The following AGAP1 variants were observed in gnomAD, a reference collection of about 807,000 sequenced individuals.
The protein encoded by AGAP1 is ArfGAP with GTPase domain, ankyrin repeat and PH domain 1.
A neutral mutation model predicts 105.3 loss-of-function variants in AGAP1; 29 were observed. The observed-to-expected ratio is 0.28, with a 90% CI of 0.21 to 0.38. The LOEUF (loss-of-function observed/expected upper bound fraction) is 0.38, where lower values mean the gene tolerates loss of function less well. Among genes scored for constraint, AGAP1 ranks in the 10% least tolerant of loss-of-function variants. The pLI is 1.00. For missense variants in AGAP1, 998 were observed against 1,165.1 expected, an observed-to-expected ratio of 0.86 and a Z score of 2.09; for synonymous variants, 509 against 485.9, an observed-to-expected ratio of 1.05 and a Z score of -0.63.
Position 236,036,443 on chromosome 2 carries a change from C to A in AGAP1, c.1646-118C>A. The A allele has an allele frequency of 7.4e-7, 1 of 1,342,596 alleles. No individual in the cohort carries two copies. Among genetic ancestry groups the A allele is most frequent in the Non-Finnish European group, 1.0e-6 (1 of 978,438 alleles). The allele number at this position is 1,342,596 out of a possible 1,614,324, so 83.2% of individuals were successfully genotyped here. A position where few individuals can be genotyped will look rare whatever the true frequency, so the allele number is the denominator to read the frequency against. On this transcript the variant is annotated intron_variant, in intron 13 of 17. Transcript: ENST00000304032. The surrounding 1 kb of genome is among the most constrained non-coding windows in gnomAD (Gnocchi z 5.7). The stretch of plus-strand genomic sequence containing the variant: ...GCCGCCGTGGTTGTCCAGTGCCGTG[C>A]GCCTCACCGGTCCATGCAGGGGCAG...
intron 1 of AGAP1, among the ~76,000 whole-genome samples, chr2:235,643,336 C>CAGGAGAATTGCTTGAA (rs1947260194): frequency 7.0e-6 from 1 of 142,262 alleles, no homozygotes; most frequent in Non-Finnish European, 1.5e-5. Flanking sequence ...GAGACTGAGG[C>CAGGAGAATTGCTTGAA]AGGAGAATTG....
At chr2:235,522,038 A>G (rs531501307) in intron 1 of AGAP1, among the ~76,000 whole-genome samples, 185 of 152,292 alleles carry the variant, frequency 1.2e-3, no homozygotes, top group Middle Eastern at 3.4e-3. Context: ...TTTTGAATAC[A>G]TCGGATGTAA....
At chr2:236,013,350 A>G (rs1034701080) in intron 13 of AGAP1, among the ~76,000 whole-genome samples, 1 of 152,190 alleles carries the variant, frequency 6.6e-6, no homozygotes, top group Non-Finnish European at 1.5e-5. Flanking sequence ...TTTTCTGGCC[A>G]CCAGAACTTG....
intron 11 of AGAP1, among the ~76,000 whole-genome samples, chr2:235,922,884 C>G (rs1575787595): frequency 6.6e-6 from 1 of 152,254 alleles, no homozygotes; most frequent in East Asian, 1.9e-4. Context: ...TTCAAATCAA[C>G]TCTTCCACTT....
intron 2 of AGAP1, 35 bp from the exon 3 acceptor site, chr2:235,717,522 T>C: frequency 6.5e-7 from 1 of 1,547,568 alleles, no homozygotes; most frequent in South Asian, 1.2e-5. Context: ...TAGAGTGATT[T>C]GATGATGCTT....
intron 13 of AGAP1, among the ~76,000 whole-genome samples, chr2:235,999,878 C>T (rs1207694577): frequency 6.6e-6 from 1 of 152,054 alleles, no homozygotes; most frequent in Non-Finnish European, 1.5e-5. Context: ...ATTCATTAAA[C>T]TTGTAAGTCA....
rs1575232619 is a variant in AGAP1, at chr2:235,724,117, G to A, written c.310+6473G>A. 6.6e-6 allele frequency among the ~76,000 whole-genome samples: 1 copy of A among 152,220 alleles called. No individual in the cohort carries two copies. The highest frequency in any genetic ancestry group is 6.5e-5 in the Admixed American group (1 of 15,286). On this transcript the variant is annotated intron_variant, in intron 3 of 17. Transcript: ENST00000304032. This position sits in a 1 kb window ranked among gnomAD's most constrained non-coding sequence, Gnocchi z 4.9. ...TCTTCATGAGCTTAATTCAGCAGGG[G>A]CTCCTTCCTTCAGTGATGGAATCTG...
chr2:235,798,325 C>T (rs1957336416), intron 7 of AGAP1, among the ~76,000 whole-genome samples: 1 of 152,192 alleles, frequency 6.6e-6, no homozygotes, highest in Non-Finnish European at 1.5e-5. Flanking sequence ...CTTTCCATAA[C>T]AACATTTTGC....
At chr2:235,762,073 C>T (rs1191315861) in intron 6 of AGAP1, among the ~76,000 whole-genome samples, 1 of 145,164 alleles carries the variant, frequency 6.9e-6, no homozygotes, top group Non-Finnish European at 1.5e-5. Context: ...TGTGCCGTTG[C>T]ATTCCAGCCT....
chr2:235,600,133 C>T lies in AGAP1; in HGVS notation c.163+105284C>T, dbSNP rs1208119089. ...GTAACTGTTATTTACTCAGTAATTACAGGTTCAAGTCCCTTGTCCAAAATC... is the reference window on the plus strand; with the variant it reads ...GTAACTGTTATTTACTCAGTAATTATAGGTTCAAGTCCCTTGTCCAAAATC... On this transcript the variant is annotated intron_variant, in intron 1 of 17. Transcript: ENST00000304032. This position sits in a 1 kb window ranked among gnomAD's most constrained non-coding sequence, Gnocchi z 4.8. Among the ~76,000 whole-genome samples the T allele has an allele frequency of 6.6e-5, 10 of 152,154 alleles. No individual in the cohort carries two copies. The highest frequency in any genetic ancestry group is 5.9e-4 in the Admixed American group (9 of 15,276).
chr2:235,797,044 A>T (rs959689349), intron 6 of AGAP1, among the ~76,000 whole-genome samples: 1 of 152,204 alleles, frequency 6.6e-6, no homozygotes, highest in Non-Finnish European at 1.5e-5. Flanking sequence ...ATATTTAAAT[A>T]AAAAAGGTCT....
At position 235,888,872 on chromosome 2, in the gene AGAP1, A is replaced by AG. The variant is rs1264807307; in HGVS notation, c.1155+5424dup. Among the ~76,000 whole-genome samples the AG allele has an allele frequency of 6.6e-5, 10 of 152,104 alleles. No individual in the cohort carries two copies. Among genetic ancestry groups the AG allele is most frequent in the Non-Finnish European group, 1.3e-4 (9 of 68,020 alleles). On this transcript the variant is annotated intron_variant, in intron 10 of 17. Transcript: ENST00000304032. This position sits in a 1 kb window ranked among gnomAD's most constrained non-coding sequence, Gnocchi z 4.8. Reference sequence around the variant, plus strand: ...TGGGAAAGACACCCCAGCAGTGGGGAGCTCTGGCTTTCAGTTCCTTTGCAC... The same window carrying AG: ...TGGGAAAGACACCCCAGCAGTGGGGAGGCTCTGGCTTTCAGTTCCTTTGCAC...
At position 235,741,698 on chromosome 2, in the gene AGAP1, ATTGTTATTATTATTATTGTTGTTG is replaced by A. The variant is rs1326364975; in HGVS notation, c.396+671_396+694del. On this transcript the variant is annotated intron_variant, in intron 4 of 17. Transcript: ENST00000304032. This position sits in a 1 kb window ranked among gnomAD's most constrained non-coding sequence, Gnocchi z 4.9. Reference sequence around the variant, plus strand: ...TTTACCAGTTAAGCACTTTATTATTATTGTTATTATTATTATTGTTGTTGTTGTTATTATTATTATTGTTATTTT... The same window carrying A: ...TTTACCAGTTAAGCACTTTATTATTATTGTTATTATTATTATTGTTATTTT... 1.2e-4 allele frequency among the ~76,000 whole-genome samples: 18 copies of A among 150,424 alleles called. No homozygotes were observed. The highest frequency in any genetic ancestry group is 4.2e-4 in the African/African-American group (17 of 40,756).
intron 13 of AGAP1, among the ~76,000 whole-genome samples, chr2:235,999,561 G>A (rs1343159338): frequency 6.6e-6 from 1 of 150,646 alleles, no homozygotes; most frequent in Non-Finnish European, 1.5e-5. Flanking sequence ...GATGTTGGTA[G>A]CATGATGACC....
Position 235,908,733 on chromosome 2 carries a change from A to C in AGAP1, c.1156-5A>C. The C allele has an allele frequency of 6.3e-7, 1 of 1,590,176 alleles. No homozygotes were observed. Among genetic ancestry groups the C allele is most frequent in the Non-Finnish European group, 8.6e-7 (1 of 1,168,564 alleles). On this transcript the variant is annotated splice_region_variant and splice_polypyrimidine_tract_variant and intron_variant, in intron 10 of 17. Transcript: ENST00000304032. The surrounding 1 kb of genome is among the most constrained non-coding windows in gnomAD (Gnocchi z 4.4). ...TCTCTCTTGGATGTTTAACATTTTC[A>C]ACAGGATTACATGCAGAATGTTCAT...
rs1407562414 is a variant in AGAP1 at position 236,125,016 on chromosome 2, CAAAAG to C, written c.*895_*899del. On this transcript the variant is annotated 3_prime_UTR_variant, in exon 18 of 18. Coordinates refer to ENST00000304032, the MANE Select transcript of AGAP1 (RefSeq NM_001037131.3). This position sits in a 1 kb window ranked among gnomAD's most constrained non-coding sequence, Gnocchi z 5.2. ...AATAAATAAGAATAACTCAGAAACTCAAAAGGAAACCACAAATTCAGCTAATAATA... is the reference window on the plus strand; with the variant it reads ...AATAAATAAGAATAACTCAGAAACTCGAAACCACAAATTCAGCTAATAATA... 1 of 166,726 alleles carries C rather than the reference CAAAAG, an allele frequency of 6.0e-6. No individual in the cohort carries two copies. The highest frequency in any genetic ancestry group is 2.4e-5 in the African/African-American group (1 of 41,436). The allele number at this position is 166,726 out of a possible 1,614,324, so 10.3% of individuals were successfully genotyped here.
At position 236,095,486 on chromosome 2, in the gene AGAP1, G is replaced by T. The variant is rs1221870927; in HGVS notation, c.2115-24706G>T. On this transcript the variant is annotated intron_variant, in intron 16 of 17. Transcript: ENST00000304032. This position sits in a 1 kb window ranked among gnomAD's most constrained non-coding sequence, Gnocchi z 4.1. The stretch of plus-strand genomic sequence containing the variant: ...TTGAGCACAGGAGTTTGAGACCAGC[G>T]TGGGCAACATAGTGAGATGCCATCT... Among the ~76,000 whole-genome samples, 1 of 151,926 alleles carries T rather than the reference G, an allele frequency of 6.6e-6. No individual in the cohort carries two copies. The highest frequency in any genetic ancestry group is 1.5e-5 in the Non-Finnish European group (1 of 67,988).
rs1025313092 is a variant in AGAP1 at position 235,951,295 on chromosome 2, G to A, written c.1484-17167G>A. 4.6e-5 allele frequency among the ~76,000 whole-genome samples: 7 copies of A among 152,124 alleles called. No homozygotes were observed. The highest frequency in any genetic ancestry group is 3.9e-4 in the East Asian group (2 of 5,192). ...GATAGTTATCCCAAGTAGAATACTC[G>A]ATCGATGTCCACAGCACATTCAAAT... On this transcript the variant is annotated intron_variant, in intron 12 of 17. Transcript: ENST00000304032. This position sits in a 1 kb window ranked among gnomAD's most constrained non-coding sequence, Gnocchi z 4.2.
chr2:235,800,430 G>A (rs1335800585), intron 8 of AGAP1, among the ~76,000 whole-genome samples: 1 of 152,004 alleles, frequency 6.6e-6, no homozygotes, highest in African/African-American at 2.4e-5. Context: ...AACTCCCTGG[G>A]TGATTGAGAT....
Sources: gnomAD v4.1 joint callset for allele counts (sites outside exome capture counted in the v4.1 genomes callset) on GRCh38, gnomAD v4.1.1 for gene constraint, Gnocchi (gnomAD v3.1) non-coding constraint, MANE v1.5 for transcripts, NCBI Gene and HGNC (gene_info 2026-07-23, HGNC 2026-07-21) for gene names.